Variants in CAMK2D observed in about 807,000 individuals in gnomAD.
The protein encoded by CAMK2D is calcium/calmodulin-dependent protein kinase type II subunit delta.
Under a neutral mutation model 84.0 loss-of-function variants are expected in CAMK2D, and 37 were observed. That is an observed-to-expected ratio of 0.44 (90% CI 0.34 to 0.58). CAMK2D has a LOEUF of 0.58. CAMK2D is among the 20% of genes least tolerant of loss of function. CAMK2D has a pLI of 0.02. For missense variants in CAMK2D, 448 were observed against 652.5 expected, an observed-to-expected ratio of 0.69 and a Z score of 3.41; for synonymous variants, 202 against 212.5, an observed-to-expected ratio of 0.95 and a Z score of 0.43.
At chr4:113,473,153 A>T (rs1299285017) in intron 16 of CAMK2D, among the ~76,000 whole-genome samples, 2 of 152,228 alleles carry the variant, frequency 1.3e-5, no homozygotes, top group Non-Finnish European at 2.9e-5. Flanking sequence ...CTGACTACTT[A>T]ATTACTAGGC....
Position 113,476,376 on chromosome 4 carries a change from T to G in CAMK2D, c.1136-10772A>C, listed in dbSNP as rs555169769. Among the ~76,000 whole-genome samples, 7 of 152,296 alleles carry G rather than the reference T, an allele frequency of 4.6e-5. No homozygotes were observed. In the South Asian group the frequency reaches 1.5e-3, roughly 32 times the overall value. On this transcript the variant is annotated intron_variant, in intron 16 of 20. Transcript: ENST00000511664. ...TTCACATAGTGATGCTGAAACTGCA[T>G]TTGCAAAAATTACGACAACGAGATA...
intron 8 of CAMK2D, among the ~76,000 whole-genome samples, chr4:113,527,329 C>T (rs2098425674): frequency 6.6e-6 from 1 of 151,576 alleles, no homozygotes; most frequent in Non-Finnish European, 1.5e-5. Flanking sequence ...GTCTCAAACT[C>T]TTGGACTCAA....
At chr4:113,624,879 G>T (rs2099061170) in intron 3 of CAMK2D, among the ~76,000 whole-genome samples, 2 of 152,292 alleles carry the variant, frequency 1.3e-5, no homozygotes, top group South Asian at 4.1e-4. Context: ...CATAAGAATT[G>T]CAGAGAAAGC....
intron 2 of CAMK2D, among the ~76,000 whole-genome samples, chr4:113,728,586 G>T (rs1230902873): frequency 6.6e-6 from 1 of 152,174 alleles, no homozygotes; most frequent in Non-Finnish European, 1.5e-5. Context: ...ATACATTTAA[G>T]ATCTGTGCAT....
intron 16 of CAMK2D, among the ~76,000 whole-genome samples, chr4:113,483,888 A>G (rs2097733380): frequency 6.6e-6 from 1 of 152,318 alleles, no homozygotes. Context: ...CCCAATTTTT[A>G]TTTAAATGAA....
chr4:113,599,839 G>C (rs1447177708), intron 4 of CAMK2D, among the ~76,000 whole-genome samples: 1 of 152,104 alleles, frequency 6.6e-6, no homozygotes, highest in African/African-American at 2.4e-5. Context: ...TCATCATAAA[G>C]GTCTTATCCT....
At chr4:113,607,973 C>A (rs907964698) in intron 4 of CAMK2D, among the ~76,000 whole-genome samples, 9 of 152,192 alleles carry the variant, frequency 5.9e-5, no homozygotes, top group African/African-American at 2.2e-4. Flanking sequence ...TTAACAAATA[C>A]CTGGTTTAGT....
intron 17 of CAMK2D, among the ~76,000 whole-genome samples, chr4:113,460,969 G>T (rs922179547): frequency 6.6e-6 from 1 of 152,120 alleles, no homozygotes; most frequent in East Asian, 1.9e-4. Context: ...GATTACAGGG[G>T]TGATCCACCA....
chr4:113,740,002 T>C, intron 2 of CAMK2D, among the ~76,000 whole-genome samples: 1 of 152,166 alleles, frequency 6.6e-6, no homozygotes. Context: ...CTATTCCAAG[T>C]GTCTTGGCTA....
At chr4:113,596,591 T>C (rs1252514200) in intron 4 of CAMK2D, among the ~76,000 whole-genome samples, 1 of 152,174 alleles carries the variant, frequency 6.6e-6, no homozygotes, top group Non-Finnish European at 1.5e-5. Context: ...ACAACAATCA[T>C]CTCTTTGTAC....
intron 2 of CAMK2D, among the ~76,000 whole-genome samples, chr4:113,705,114 G>A (rs1389184749): frequency 2.7e-5 from 4 of 149,860 alleles, no homozygotes; most frequent in Non-Finnish European, 5.9e-5. Flanking sequence ...GGCCAGGATC[G>A]AGACCATCCT....
At chr4:113,731,413 C>G (rs994448212) in intron 2 of CAMK2D, among the ~76,000 whole-genome samples, 1 of 152,072 alleles carries the variant, frequency 6.6e-6, no homozygotes, top group Non-Finnish European at 1.5e-5. Flanking sequence ...AAATGATGCT[C>G]CTGCTATTAC....
chr4:113,542,878 C>G (rs1283652147), intron 6 of CAMK2D, among the ~76,000 whole-genome samples: 2 of 152,176 alleles, frequency 1.3e-5, no homozygotes, highest in Non-Finnish European at 2.9e-5. Context: ...CTTTCTCTCT[C>G]TCTCATATTC....
Position 113,537,269 on chromosome 4 carries a change from G to T in CAMK2D, c.517+72C>A, listed in dbSNP as rs555508557. 19 of 730,978 alleles carry T rather than the reference G, an allele frequency of 2.6e-5. No homozygotes were observed. The African/African-American group carries it at 3.1e-4, about 12-fold the overall frequency. The allele number at this position is 730,978 out of a possible 1,614,324, so 45.3% of individuals were successfully genotyped here. ...AAGTTTTCCATTTTATTTTCACTAGGAAGTGGGATTAGGAGCCAGAATTCA... is the reference window on the plus strand; with the variant it reads ...AAGTTTTCCATTTTATTTTCACTAGTAAGTGGGATTAGGAGCCAGAATTCA... On this transcript the variant is annotated intron_variant, in intron 7 of 20. Transcript: ENST00000511664.
chr4:113,544,450 T>C (rs1380272607), intron 6 of CAMK2D, among the ~76,000 whole-genome samples: 1 of 152,242 alleles, frequency 6.6e-6, no homozygotes, highest in Non-Finnish European at 1.5e-5. Flanking sequence ...TAGTAGTTAT[T>C]AAGCATGCAG....
At chr4:113,725,557 A>G (rs1325994135) in intron 2 of CAMK2D, among the ~76,000 whole-genome samples, 2 of 152,146 alleles carry the variant, frequency 1.3e-5, no homozygotes, top group Non-Finnish European at 2.9e-5. Flanking sequence ...TAAATAGTTC[A>G]CAAGTAGCTT....
At chr4:113,640,233 TAGTAGGAAACGTGTCTGGAGAG>T (rs1239008921) in intron 3 of CAMK2D, among the ~76,000 whole-genome samples, 1 of 151,930 alleles carries the variant, frequency 6.6e-6, no homozygotes, top group Non-Finnish European at 1.5e-5. Flanking sequence ...TTCCACTAGC[TAGTAGGAAACGTGTCTGGAGAG>T]AAACGTTAAA....
intron 2 of CAMK2D, among the ~76,000 whole-genome samples, chr4:113,729,399 CCTCA>C (rs2099555985): frequency 6.6e-6 from 1 of 152,152 alleles, no homozygotes; most frequent in Non-Finnish European, 1.5e-5. Flanking sequence ...GCTCTTCCAC[CCTCA>C]CTAAGTGAAC....
At position 113,565,895 on chromosome 4, in the gene CAMK2D, A is replaced by G. The variant is rs72678732; in HGVS notation, c.276-13799T>C. ...TACAGAATAGAAAAAAAATTAGTAG[A>G]GGCTATTAATGAGTTCAGAGTTTAG... On this transcript the variant is annotated intron_variant, in intron 4 of 20. Transcript: ENST00000511664. Among the ~76,000 whole-genome samples, 288 of 152,282 alleles carry G rather than the reference A, an allele frequency of 1.9e-3. 1 individual carries two copies. Among genetic ancestry groups the G allele is most frequent in the Non-Finnish European group, 3.5e-3 (236 of 68,010 alleles).
Sources: allele counts gnomAD v4.1 joint callset (sites outside exome capture counted in the v4.1 genomes callset), GRCh38; gene constraint gnomAD v4.1.1; transcripts MANE v1.5; gene names NCBI Gene and HGNC (gene_info 2026-07-23, HGNC 2026-07-21).